The following ADGRA3 variants were observed in gnomAD, a reference collection of about 807,000 sequenced individuals.
ADGRA3 encodes G-protein coupled receptor 125.
ADGRA3 carries 56 observed loss-of-function variants against 119.8 expected under a neutral mutation model. That is an observed-to-expected ratio of 0.47 (90% CI 0.38 to 0.58). The LOEUF is 0.58. Ranked by LOEUF, ADGRA3 falls within the 20% of genes least tolerant of loss-of-function variation. The pLI is 0.00. For synonymous variants in ADGRA3, 607 were observed against 623.8 expected (o/e 0.97, Z 0.40); for missense variants, 1,516 against 1,649.0 (o/e 0.92, Z 1.40).
Position 22,501,066 on chromosome 4 carries a change from T to G in ADGRA3, c.257+14462A>C, listed in dbSNP as rs1719033593. The stretch of plus-strand genomic sequence containing the variant: ...TCTCAGACTCTCAGACCTTTGAACC[T>G]AGACTGAAACACATCACCAGCTGTC... On this transcript the variant is annotated intron_variant, in intron 1 of 18. Transcript: ENST00000334304. 2.0e-5 allele frequency among the ~76,000 whole-genome samples: 3 copies of G among 152,126 alleles called. No individual in the cohort carries two copies. The South Asian group carries it at 6.2e-4, about 32-fold the overall frequency.
chr4:22,395,977 A>G (rs1714332717), intron 16 of ADGRA3, among the ~76,000 whole-genome samples: 1 of 152,068 alleles, frequency 6.6e-6, no homozygotes, highest in South Asian at 2.1e-4. Context: ...GTGGCACTAC[A>G]TTTAATAAAT....
chr4:22,487,702 T>A (rs138568791), intron 1 of ADGRA3, among the ~76,000 whole-genome samples: 1 of 152,202 alleles, frequency 6.6e-6, no homozygotes, highest in African/African-American at 2.4e-5. Flanking sequence ...TTTGAATACA[T>A]AGCCTCTCCA....
At chr4:22,423,787 T>C (rs931005604) in intron 11 of ADGRA3, among the ~76,000 whole-genome samples, 1 of 152,220 alleles carries the variant, frequency 6.6e-6, no homozygotes, top group Non-Finnish European at 1.5e-5. Context: ...TAGGCTCAGA[T>C]GGACTATGGG....
Position 22,424,365 on chromosome 4 carries a change from C to T in ADGRA3, c.1444-13G>A, listed in dbSNP as rs747768623. 1 of 1,603,836 alleles carries T rather than the reference C, an allele frequency of 6.2e-7. No individual in the cohort carries two copies. The highest frequency in any genetic ancestry group is 1.3e-5 in the African/African-American group (1 of 74,408). On this transcript the variant is annotated splice_polypyrimidine_tract_variant and intron_variant, in intron 10 of 18. Coordinates refer to ENST00000334304, the MANE Select transcript of ADGRA3 (RefSeq NM_145290.4). ...TCACGTCACCTAGCTAGCAGGGGTT[C>T]AGGAGAAAAAAGAAAGATCTTTAAA...
At chr4:22,406,153 T>C (rs929412054) in intron 14 of ADGRA3, among the ~76,000 whole-genome samples, 3 of 152,198 alleles carry the variant, frequency 2.0e-5, no homozygotes, top group African/African-American at 7.2e-5. Flanking sequence ...TTTCATTCTT[T>C]TTTTATGACT....
At chr4:22,507,195 G>A (rs1353443827) in intron 1 of ADGRA3, among the ~76,000 whole-genome samples, 2 of 152,036 alleles carry the variant, frequency 1.3e-5, no homozygotes, top group Non-Finnish European at 1.5e-5. Flanking sequence ...AGCCGAGATC[G>A]CGCCACTGCA....
chr4:22,456,250 G>A (rs1006371454), intron 3 of ADGRA3, among the ~76,000 whole-genome samples: 1 of 152,118 alleles, frequency 6.6e-6, no homozygotes, highest in Non-Finnish European at 1.5e-5. Flanking sequence ...CAACTTCGCT[G>A]GATTGAGAGG....
intron 1 of ADGRA3, among the ~76,000 whole-genome samples, chr4:22,491,451 G>A (rs1427065147): frequency 6.6e-6 from 1 of 152,090 alleles, no homozygotes; most frequent in African/African-American, 2.4e-5. Context: ...CTTTAGTCAG[G>A]TTCCCTTGAG....
chr4:22,470,629 T>C (rs1717826853), intron 2 of ADGRA3, among the ~76,000 whole-genome samples: 1 of 152,172 alleles, frequency 6.6e-6, no homozygotes, highest in Non-Finnish European at 1.5e-5. Flanking sequence ...TTTCAAGTCG[T>C]CCGGTTATTC....
At chr4:22,514,872 C>G (rs1719583700) in intron 1 of ADGRA3, among the ~76,000 whole-genome samples, 1 of 152,110 alleles carries the variant, frequency 6.6e-6, no homozygotes, top group Non-Finnish European at 1.5e-5. Context: ...CTCAATAAAC[C>G]CACGGTTTTC....
At chr4:22,491,793 G>A (rs1410140689) in intron 1 of ADGRA3, among the ~76,000 whole-genome samples, 2 of 152,196 alleles carry the variant, frequency 1.3e-5, no homozygotes, top group African/African-American at 4.8e-5. Context: ...ATACTGTGAC[G>A]GTCTTGAAAC....
chr4:22,463,291 G>GTT (rs1470006618), intron 2 of ADGRA3, among the ~76,000 whole-genome samples: 1 of 152,196 alleles, frequency 6.6e-6, no homozygotes, highest in Non-Finnish European at 1.5e-5. Flanking sequence ...ACAAGCCAAA[G>GTT]TAACCAGTAC....
Position 22,388,816 on chromosome 4 carries a change from AG to A in ADGRA3, c.2854del (p.Lys953ArgfsTer18), listed in dbSNP as rs1358639418. Reference protein sequence around the residue: ...LKRHPERKYELKEPTEEQQRL... With the variant: ...LKRHPERKYEXKEPTEEQQRL... ...CTGTTGCTCCTCCGTGGGCTCCTTA[AG>A]CTCATATTTGCGCTCAGGGTGTCTT... On this transcript the variant is annotated frameshift_variant, in exon 19 of 19. Transcript: ENST00000334304. LOFTEE classifies it high-confidence loss of function. The A allele has an allele frequency of 6.2e-7, 1 of 1,613,992 alleles. No individual in the cohort carries two copies. The highest frequency in any genetic ancestry group is 1.3e-5 in the African/African-American group (1 of 74,904).
chr4:22,413,117 G>C (rs1258074318), intron 14 of ADGRA3, 65 bp downstream of exon 14: 17 of 1,113,996 alleles, frequency 1.5e-5, no homozygotes, highest in Non-Finnish European at 2.3e-5. Flanking sequence ...CACTTCATTT[G>C]AGCTTAATTA....
At chr4:22,463,310 T>TTG (rs1278242132) in intron 2 of ADGRA3, among the ~76,000 whole-genome samples, 3 of 152,164 alleles carry the variant, frequency 2.0e-5, no homozygotes, top group Non-Finnish European at 2.9e-5. Flanking sequence ...ACCTCCAGGG[T>TTG]TCCTTAGTCC....
intron 1 of ADGRA3, among the ~76,000 whole-genome samples, chr4:22,501,901 T>C (rs1719059442): frequency 6.8e-6 from 1 of 146,402 alleles, no homozygotes; most frequent in African/African-American, 2.5e-5. Context: ...ACTTTATCCC[T>C]GAGGGAAGAA....
chr4:22,483,953 A>T (rs1216835383), intron 1 of ADGRA3, among the ~76,000 whole-genome samples: 1 of 151,536 alleles, frequency 6.6e-6, no homozygotes, highest in Non-Finnish European at 1.5e-5. Context: ...ACTTATAAGA[A>T]AAACAGTTAA....
chr4:22,412,341 A>G (rs994675500), intron 14 of ADGRA3, among the ~76,000 whole-genome samples: 3 of 152,164 alleles, frequency 2.0e-5, no homozygotes, highest in African/African-American at 7.2e-5. Flanking sequence ...AGATTCACTT[A>G]AAGACCTCAT....
At chr4:22,421,527 C>T (rs551969213) in intron 11 of ADGRA3, among the ~76,000 whole-genome samples, 1 of 152,210 alleles carries the variant, frequency 6.6e-6, no homozygotes, top group South Asian at 2.1e-4. Context: ...ACACATCTGG[C>T]CATATTTACC....
Sources: gnomAD v4.1 joint callset for allele counts (sites outside exome capture counted in the v4.1 genomes callset) on GRCh38, gnomAD v4.1.1 for gene constraint, MANE v1.5 for transcripts, NCBI Gene and HGNC (gene_info 2026-07-23, HGNC 2026-07-21) for gene names.